CFAP57: variants seen among roughly 807,000 people sequenced by gnomAD.
CFAP57 encodes the protein cilia and flagella associated protein 57, also known as cilia- and flagella-associated protein 57.
Under a neutral mutation model 146.8 loss-of-function variants are expected in CFAP57, and 116 were observed. The observed-to-expected ratio is 0.79, with a 90% CI of 0.68 to 0.92. The LOEUF (loss-of-function observed/expected upper bound fraction) is 0.92, where lower values mean the gene tolerates loss of function less well. CFAP57 is among the 40% of genes least tolerant of loss of function. The pLI is 0.00. For missense variants in CFAP57, 1,377 were observed against 1,527.2 expected (o/e 0.90, Z 1.64); for synonymous variants, 518 against 552.8 (o/e 0.94, Z 0.88).
rs2124662917 is a variant in CFAP57 at position 43,243,150 on chromosome 1, C to T, written c.3406-77C>T. The T allele has an allele frequency of 8.1e-6, 12 of 1,477,002 alleles. No individual in the cohort carries two copies. In the South Asian group the frequency reaches 1.5e-4, roughly 18 times the overall value. 91.5% of individuals were successfully genotyped at this position (1,477,002 alleles called of 1,614,324 possible). On this transcript the variant is annotated intron_variant, in intron 21 of 22. Transcript: ENST00000372492. ...TAACCCTGCCCATTCCCCATACACTCAGCCCAGGAGGGTATGCCTTGTGCC... is the reference window on the plus strand; with the variant it reads ...TAACCCTGCCCATTCCCCATACACTTAGCCCAGGAGGGTATGCCTTGTGCC...
Position 43,222,239 on chromosome 1 carries a change from G to C in CFAP57, c.2476G>C (p.Glu826Gln), listed in dbSNP as rs1352408282. The change falls in exon 15 of 23, where the codon GAG becomes CAG. Residue 826 changes from glutamate to glutamine, a missense_variant. Coordinates refer to ENST00000372492, the MANE Select transcript of CFAP57 (RefSeq NM_001378189.1). Reference sequence around the variant, plus strand: ...TGAGACCAAGAGCCAGGCCCTGGAGGAGCTGACTGAGTTTTACGAGGCAAA... The same window carrying C: ...TGAGACCAAGAGCCAGGCCCTGGAGCAGCTGACTGAGTTTTACGAGGCAAA... ...NDETKSQALEELTEFYEAKLQ... is the reference protein window; with the variant it reads ...NDETKSQALEQLTEFYEAKLQ... 6.7e-7 allele frequency: 1 copy of C among 1,492,302 alleles called. No homozygotes were observed. Among genetic ancestry groups the C allele is most frequent in the Non-Finnish European group, 8.9e-7 (1 of 1,118,304 alleles). The allele number at this position is 1,492,302 out of a possible 1,614,324, so 92.4% of individuals were successfully genotyped here.
chr1:43,222,099 C>T lies in CFAP57; in HGVS notation c.2342-6C>T. 1 of 1,544,874 alleles carries T rather than the reference C, an allele frequency of 6.5e-7. No homozygotes were observed. Among genetic ancestry groups the T allele is most frequent in the Non-Finnish European group, 8.7e-7 (1 of 1,144,044 alleles). On this transcript the variant is annotated splice_polypyrimidine_tract_variant and splice_region_variant and intron_variant, in intron 14 of 22. Coordinates refer to ENST00000372492, the MANE Select transcript of CFAP57 (RefSeq NM_001378189.1). ...CACCTTAAATACCATCCTTGCTTCT[C>T]TCCAGAATGTTGCAACAACCAAAAG...
intron 2 of CFAP57, among the ~76,000 whole-genome samples, chr1:43,181,013 T>C (rs915488145): frequency 1.3e-5 from 2 of 151,734 alleles, no homozygotes; most frequent in East Asian, 3.9e-4. Context: ...CCTCACCCCC[T>C]GCCCTCCTTC....
chr1:43,186,866 C>G lies in CFAP57; in HGVS notation c.1122+7C>G, dbSNP rs1234340389. ...CCTGACAGAGATCAGCAAGGTGAGT[C>G]TTTCCAGCAATGGTCCTTCCAGACC... On this transcript the variant is annotated splice_region_variant and intron_variant, in intron 6 of 22. Coordinates refer to ENST00000372492, the MANE Select transcript of CFAP57 (RefSeq NM_001378189.1). 2.5e-6 allele frequency: 4 copies of G among 1,614,116 alleles called. No homozygotes were observed.
chr1:43,238,491 GA>G lies in CFAP57; in HGVS notation c.3405+3854del, dbSNP rs1645786742. Among the ~76,000 whole-genome samples, 1 of 152,146 alleles carries G rather than the reference GA, an allele frequency of 6.6e-6. No individual in the cohort carries two copies. The highest frequency in any genetic ancestry group is 2.4e-5 in the African/African-American group (1 of 41,420). ...GTCAGATTTCCTCTGCAGCTGTGTA[GA>G]CCTGGGTGGGGGTCTGGAGGATTGG... On this transcript the variant is annotated intron_variant, in intron 21 of 22. Transcript: ENST00000372492. This position sits in a 1 kb window ranked among gnomAD's most constrained non-coding sequence, Gnocchi z 4.3.
Position 43,210,077 on chromosome 1 carries a change from T to G in CFAP57, c.1929+161T>G, listed in dbSNP as rs763471043. 6.8e-6 allele frequency: 11 copies of G among 1,613,988 alleles called. 1 individual carries two copies. In the Admixed American group the frequency reaches 1.8e-4, roughly 27 times the overall value. ...CATCTATTGACTATGAATATACTCT[T>G]TGTTTAAACTACTTCCAGGAATTTA... On this transcript the variant is annotated intron_variant, in intron 11 of 22. Transcript: ENST00000372492.
Position 43,172,388 on chromosome 1 carries a change from T to TC in CFAP57, c.-85_-84insC. On this transcript the variant is annotated 5_prime_UTR_variant, in exon 1 of 23. Coordinates refer to ENST00000372492, the MANE Select transcript of CFAP57 (RefSeq NM_001378189.1). ...CGGCGTTTGAAAGTGTCCGGGTTGC[T>TC]TAGGATCCCTACAGGTAGCGCCTCT... 1 of 1,551,444 alleles carries TC rather than the reference T, an allele frequency of 6.4e-7. No individual in the cohort carries two copies.
intron 12 of CFAP57, among the ~76,000 whole-genome samples, chr1:43,217,665 C>T (rs1252940754): frequency 2.0e-5 from 3 of 152,108 alleles, no homozygotes; most frequent in Non-Finnish European, 2.9e-5. Context: ...GGTCCCCTTC[C>T]CTACCTCAGT....
chr1:43,235,991 C>T (rs1486480709), intron 21 of CFAP57, among the ~76,000 whole-genome samples: 2 of 152,220 alleles, frequency 1.3e-5, no homozygotes, highest in African/African-American at 2.4e-5. Flanking sequence ...CAGCATGAGG[C>T]TGCTGGGGCG....
At chr1:43,239,644 T>G (rs1255541439) in intron 21 of CFAP57, among the ~76,000 whole-genome samples, 4 of 152,222 alleles carry the variant, frequency 2.6e-5, no homozygotes, top group Non-Finnish European at 2.9e-5. Context: ...CAGCTAAAGA[T>G]GCAAACTGTG....
At chr1:43,204,189 C>A (rs548841618) in intron 9 of CFAP57, among the ~76,000 whole-genome samples, 4 of 152,254 alleles carry the variant, frequency 2.6e-5, no homozygotes, top group African/African-American at 9.6e-5. Context: ...GAACTAATTT[C>A]TGTTTTCTTA....
chr1:43,234,734 T>G, intron 21 of CFAP57, 96 bp downstream of exon 21: 1 of 1,400,846 alleles, frequency 7.1e-7, no homozygotes, highest in South Asian at 1.6e-5. Context: ...TCTTCAGGGC[T>G]CCCCAGGTGT....
At chr1:43,192,940 T>G (rs968714457) in intron 6 of CFAP57, among the ~76,000 whole-genome samples, 20 of 151,760 alleles carry the variant, frequency 1.3e-4, no homozygotes, top group East Asian at 3.9e-4. Flanking sequence ...AAAAAAAAAA[T>G]AAAAAGAAAG....
intron 9 of CFAP57, among the ~76,000 whole-genome samples, chr1:43,200,409 C>A (rs565261717): frequency 6.6e-6 from 1 of 150,956 alleles, no homozygotes; most frequent in Admixed American, 6.6e-5. Flanking sequence ...ATCACTTGGG[C>A]CCAGGAGGTC....
intron 22 of CFAP57, among the ~76,000 whole-genome samples, chr1:43,251,540 C>T (rs887724543): frequency 1.3e-5 from 2 of 152,084 alleles, no homozygotes; most frequent in African/African-American, 4.8e-5. Context: ...TATGTTTATT[C>T]AAAAACAACT....
Position 43,201,605 on chromosome 1 carries a change from C to A in CFAP57, c.1542+2102C>A, listed in dbSNP as rs1644125782. Among the ~76,000 whole-genome samples the A allele has an allele frequency of 2.0e-5, 3 of 152,174 alleles. No individual in the cohort carries two copies. Among genetic ancestry groups the A allele is most frequent in the Admixed American group, 2.0e-4 (3 of 15,288 alleles). ...AGTTCAAGCGATTCTCCTGCCTCAG[C>A]CTCCCAAGTAACACAAACTCTTTTT... On this transcript the variant is annotated intron_variant, in intron 9 of 22. Coordinates refer to ENST00000372492, the MANE Select transcript of CFAP57 (RefSeq NM_001378189.1). This position sits in a 1 kb window ranked among gnomAD's most constrained non-coding sequence, Gnocchi z 4.4.
chr1:43,222,032 G>T (rs950347656), intron 14 of CFAP57, 73 bp from the exon 15 acceptor site: 15 of 1,345,184 alleles, frequency 1.1e-5, no homozygotes, highest in Non-Finnish European at 1.5e-5. Context: ...ATGGGAGAGC[G>T]CCCAAGGCTC....
intron 22 of CFAP57, among the ~76,000 whole-genome samples, chr1:43,247,759 C>T (rs1646165411): frequency 6.6e-6 from 1 of 152,204 alleles, no homozygotes; most frequent in Admixed American, 6.5e-5. Context: ...ATATGACTTA[C>T]ACAGACCATG....
In CFAP57 at chr1:43,201,895, G is replaced by A. The variant is rs1342478209; in HGVS notation, c.1542+2392G>A. Among the ~76,000 whole-genome samples, 4 of 152,168 alleles carry A rather than the reference G, an allele frequency of 2.6e-5. No homozygotes were observed. The highest frequency in any genetic ancestry group is 2.1e-4 in the South Asian group (1 of 4,828). On this transcript the variant is annotated intron_variant, in intron 9 of 22. Transcript: ENST00000372492. This position sits in a 1 kb window ranked among gnomAD's most constrained non-coding sequence, Gnocchi z 4.4. ...CTCCCAAAGTCCTGGGATTACAGGC[G>A]TGAGCCACCGCGCCTGGCCCACGGA... is the stretch of plus-strand genomic sequence containing the variant.
Sources: allele counts gnomAD v4.1 joint callset (sites outside exome capture counted in the v4.1 genomes callset), GRCh38; gene constraint gnomAD v4.1.1; non-coding constraint Gnocchi (gnomAD v3.1); transcripts MANE v1.5; gene names NCBI Gene and HGNC (gene_info 2026-07-23, HGNC 2026-07-21).